The following SYTL2 variants were observed in gnomAD, a reference collection of about 807,000 sequenced individuals.
The protein encoded by SYTL2 is synaptotagmin-like protein 2.
A neutral mutation model predicts 198.7 loss-of-function variants in SYTL2; 165 were observed. The observed-to-expected ratio is 0.83, with a 90% CI of 0.73 to 0.94. SYTL2 has a LOEUF of 0.94. SYTL2 is among the 40% of genes least tolerant of loss of function. The pLI, the probability that SYTL2 is intolerant of heterozygous loss-of-function variation, is 0.00. For missense variants in SYTL2, 2,835 were observed against 2,582.8 expected, an observed-to-expected ratio of 1.10 and a Z score of -2.12; for synonymous variants, 966 against 917.7, an observed-to-expected ratio of 1.05 and a Z score of -0.95.
intron 7 of SYTL2, among the ~76,000 whole-genome samples, chr11:85,730,001 G>C (rs1364878214): frequency 1.3e-5 from 2 of 152,116 alleles, no homozygotes; most frequent in African/African-American, 4.8e-5. Context: ...AGAAGAAATG[G>C]ATAAATTCCT....
At chr11:85,718,168 C>A in intron 10 of SYTL2, 1 of 168,648 alleles carries the variant, frequency 5.9e-6, no homozygotes, top group Admixed American at 5.7e-5. Flanking sequence ...AAATCAGACT[C>A]ATTTCTGTCT....
At chr11:85,698,741 G>C (rs1329250313) in intron 17 of SYTL2, among the ~76,000 whole-genome samples, 2 of 152,180 alleles carry the variant, frequency 1.3e-5, no homozygotes, top group Non-Finnish European at 2.9e-5. Context: ...GTTTCGTCAT[G>C]TTGCCCAGGC....
intron 18 of SYTL2, among the ~76,000 whole-genome samples, chr11:85,696,828 T>C (rs1207876134): frequency 6.6e-6 from 1 of 152,204 alleles, no homozygotes; most frequent in Non-Finnish European, 1.5e-5. Context: ...GCACAGGCTA[T>C]CCTGATTAGC....
At chr11:85,709,627 A>C in intron 13 of SYTL2, 127 bp from the exon 14 acceptor site, 1 of 827,036 alleles carries the variant, frequency 1.2e-6, no homozygotes, top group Non-Finnish European at 1.9e-6. Context: ...AATTCAATAT[A>C]GCATAAAGAC....
At chr11:85,852,830 C>T in the SYTL2 span, 18 of 226,298 alleles carry the variant, frequency 8.0e-5, no homozygotes, top group South Asian at 4.3e-4. Flanking sequence ...TCTGCCTGGC[C>T]GCCCATCGTC....
intron 1 of SYTL2, among the ~76,000 whole-genome samples, chr11:85,808,647 C>T (rs540989517): frequency 1.2e-3 from 186 of 152,070 alleles, no homozygotes; most frequent in Non-Finnish European, 2.5e-3. Flanking sequence ...TGCCAGGACA[C>T]CAGTTTTATT....
intron 14 of SYTL2, chr11:85,708,126 C>T (rs2085534355): frequency 4.6e-6 from 2 of 434,574 alleles, no homozygotes; most frequent in African/African-American, 4.2e-5. Context: ...TCGTGCCAGC[C>T]TGGGCAACAA....
chr11:85,781,820 G>A (rs2092565062), intron 1 of SYTL2, among the ~76,000 whole-genome samples: 1 of 152,128 alleles, frequency 6.6e-6, no homozygotes, highest in African/African-American at 2.4e-5. Flanking sequence ...CAAAAGGTTG[G>A]CTCCCACAGC....
chr11:85,701,262 C>CT (rs2084269030), intron 16 of SYTL2, among the ~76,000 whole-genome samples: 1 of 152,200 alleles, frequency 6.6e-6, no homozygotes, highest in African/African-American at 2.4e-5. Context: ...GGACCCAAGT[C>CT]TAAACACAAA....
the SYTL2 span, among the ~76,000 whole-genome samples, chr11:85,826,350 A>G: frequency 6.6e-6 from 1 of 152,226 alleles, no homozygotes; most frequent in Non-Finnish European, 1.5e-5. Context: ...TCCCTAAATT[A>G]GGACCACTGT....
At chr11:85,719,537 C>T (rs937295136) in intron 9 of SYTL2, among the ~76,000 whole-genome samples, 1 of 151,680 alleles carries the variant, frequency 6.6e-6, no homozygotes, top group African/African-American at 2.4e-5. Flanking sequence ...TTTCTCAAGG[C>T]CCATCACCAA....
intron 2 of SYTL2, among the ~76,000 whole-genome samples, chr11:85,751,062 C>T (rs1226597440): frequency 6.6e-6 from 1 of 152,136 alleles, no homozygotes; most frequent in South Asian, 2.1e-4. Flanking sequence ...GGTTTTGCAT[C>T]GACTCCCTGA....
At chr11:85,824,873 C>A in the SYTL2 span, among the ~76,000 whole-genome samples, 88 of 152,288 alleles carry the variant, frequency 5.8e-4, 1 homozygote, top group African/African-American at 2.0e-3. Flanking sequence ...ATCTATCCCA[C>A]CCTTTCTGCT....
At chr11:85,824,230 G>C in the SYTL2 span, among the ~76,000 whole-genome samples, 1 of 152,140 alleles carries the variant, frequency 6.6e-6, no homozygotes, top group East Asian at 1.9e-4. Flanking sequence ...AGATTGGAGA[G>C]GTTAGGATCA....
chr11:85,769,417 G>C (rs569138691), intron 1 of SYTL2, among the ~76,000 whole-genome samples: 1 of 152,326 alleles, frequency 6.6e-6, no homozygotes, highest in African/African-American at 2.4e-5. Context: ...AAGGAATGCA[G>C]GCAGCCTGTA....
chr11:85,740,379 A>G (rs1479597275), intron 4 of SYTL2, among the ~76,000 whole-genome samples: 2 of 151,618 alleles, frequency 1.3e-5, no homozygotes, highest in Non-Finnish European at 2.9e-5. Context: ...TCCAAATCTC[A>G]CCTCTTATAT....
At chr11:85,847,172 C>G in the SYTL2 span, among the ~76,000 whole-genome samples, 1 of 152,168 alleles carries the variant, frequency 6.6e-6, no homozygotes, top group Non-Finnish European at 1.5e-5. Context: ...AGATACAGAG[C>G]ATTTCCTTTA....
chr11:85,826,913 G>C, the SYTL2 span, among the ~76,000 whole-genome samples: 1 of 152,208 alleles, frequency 6.6e-6, no homozygotes, highest in Non-Finnish European at 1.5e-5. Context: ...TGAAAGTTCT[G>C]TGAAAAACAG....
At chr11:85,761,701 C>A (rs1215161591) in intron 1 of SYTL2, among the ~76,000 whole-genome samples, 2 of 152,210 alleles carry the variant, frequency 1.3e-5, no homozygotes, top group African/African-American at 4.8e-5. Flanking sequence ...CTCCATTGCC[C>A]AGGCTGTAGT....
Sources: gnomAD v4.1 joint callset for allele counts (sites outside exome capture counted in the v4.1 genomes callset) on GRCh38, gnomAD v4.1.1 for gene constraint, MANE v1.5 for transcripts, NCBI Gene and HGNC (gene_info 2026-07-23, HGNC 2026-07-21) for gene names.